Variants in CDS2 observed in about 807,000 individuals in gnomAD.
The protein encoded by CDS2 is phosphatidate cytidylyltransferase 2.
In CDS2, 47 loss-of-function variants were observed where a neutral mutation model predicts 59.0. The observed-to-expected ratio is 0.80, with a 90% CI of 0.63 to 1.02. CDS2 has a LOEUF of 1.02. CDS2 is among the 50% of genes least tolerant of loss of function. The probability of loss-of-function intolerance (pLI) is 0.00; values close to 1 mark genes in which losing one functional copy is unlikely to be tolerated. For synonymous variants in CDS2, 207 were observed against 206.4 expected (o/e 1.00, Z -0.02); for missense variants, 356 against 558.9 (o/e 0.64, Z 3.66).
chr20:5,176,664 TTAAG>T lies in CDS2; in HGVS notation c.310_313del (p.Lys104ValfsTer5), dbSNP rs2090997473. ...GTCCCGCAGGTGATGTGCGTTCAGA[TTAAG>T]TGTTTCCATGAGATAATCACTATTG... On this transcript the variant is annotated frameshift_variant, in exon 4 of 13. Transcript: ENST00000460006. LOFTEE classifies it high-confidence loss of function. The T allele has an allele frequency of 3.1e-6, 5 of 1,613,678 alleles. No individual in the cohort carries two copies. Among genetic ancestry groups the T allele is most frequent in the Non-Finnish European group, 3.4e-6 (4 of 1,179,544 alleles).
At chr20:5,146,373 GAA>G (rs1229381935) in intron 1 of CDS2, among the ~76,000 whole-genome samples, 3 of 152,186 alleles carry the variant, frequency 2.0e-5, no homozygotes, top group Non-Finnish European at 4.4e-5. Context: ...GGAAACCGAT[GAA>G]AGAGTCAGGA....
intron 1 of CDS2, among the ~76,000 whole-genome samples, chr20:5,142,974 C>G (rs1257242165): frequency 6.6e-6 from 1 of 152,080 alleles, no homozygotes; most frequent in Admixed American, 6.6e-5. Context: ...TCCCTAATAG[C>G]TGGAAATACA....
chr20:5,138,753 T>G (rs998627948), intron 1 of CDS2, among the ~76,000 whole-genome samples: 1 of 151,834 alleles, frequency 6.6e-6, no homozygotes, highest in Admixed American at 6.6e-5. Context: ...CCCAAAATGC[T>G]GGGATTACCT....
chr20:5,146,006 A>G (rs764970655), intron 1 of CDS2, among the ~76,000 whole-genome samples: 15 of 151,832 alleles, frequency 9.9e-5, no homozygotes, highest in Non-Finnish European at 2.2e-4. Context: ...AAATTTTTGT[A>G]GAGATGGGGT....
intron 1 of CDS2, among the ~76,000 whole-genome samples, chr20:5,143,342 A>G (rs909069265): frequency 1.3e-5 from 2 of 152,224 alleles, no homozygotes; most frequent in African/African-American, 2.4e-5. Context: ...TTGAGGGAGT[A>G]TAGATTGGCA....
At chr20:5,132,611 T>C (rs2090616540) in intron 1 of CDS2, among the ~76,000 whole-genome samples, 1 of 152,008 alleles carries the variant, frequency 6.6e-6, no homozygotes, top group Admixed American at 6.6e-5. Flanking sequence ...TTCAAGAAAA[T>C]TTTTTTATGT....
At chr20:5,141,188 C>T (rs1409237431) in intron 1 of CDS2, among the ~76,000 whole-genome samples, 1 of 152,194 alleles carries the variant, frequency 6.6e-6, no homozygotes, top group Non-Finnish European at 1.5e-5. Context: ...CTATAAGACC[C>T]TCATTTCAAA....
chr20:5,183,017 C>A (rs749167037), intron 6 of CDS2, 44 bp from the exon 7 acceptor site: 3 of 1,516,066 alleles, frequency 2.0e-6, no homozygotes, highest in East Asian at 4.5e-5. Flanking sequence ...AAGTTACTTT[C>A]AAGGTAAACT....
intron 5 of CDS2, among the ~76,000 whole-genome samples, chr20:5,180,729 C>T (rs759733403): frequency 6.6e-6 from 1 of 152,012 alleles, no homozygotes; most frequent in African/African-American, 2.4e-5. Flanking sequence ...TTTTACCCAG[C>T]TCCTATTCAG....
chr20:5,183,287 C>T (rs1349744872), intron 7 of CDS2, 144 bp downstream of exon 7: 1 of 652,588 alleles, frequency 1.5e-6, no homozygotes, highest in Admixed American at 2.8e-5. Context: ...CTGGACCCCA[C>T]CCCTGACTTT....
At chr20:5,154,651 GT>G (rs935763177) in intron 1 of CDS2, among the ~76,000 whole-genome samples, 33 of 151,562 alleles carry the variant, frequency 2.2e-4, no homozygotes, top group African/African-American at 7.5e-4. Context: ...TTGTTTGTTT[GT>G]TTGTTTGTTT....
chr20:5,151,602 A>T (rs113371912), intron 1 of CDS2, among the ~76,000 whole-genome samples: 25 of 152,014 alleles, frequency 1.6e-4, no homozygotes, highest in African/African-American at 2.4e-4. Flanking sequence ...TCTTAAAAAA[A>T]AAATAAATAA....
chr20:5,190,241 C>CCCAGGG lies in CDS2; in HGVS notation c.*13_*18dup, dbSNP rs757385853. On this transcript the variant is annotated 3_prime_UTR_variant, in exon 13 of 13. Transcript: ENST00000460006. ...CACCACAGAGGACGAGTAGGGGCCACCCAGGGCCAGGAGAACAGGAACAGA... is the reference window on the plus strand; with the variant it reads ...CACCACAGAGGACGAGTAGGGGCCACCCAGGGCCAGGGCCAGGAGAACAGGAACAGA... 2 of 1,612,456 alleles carry CCCAGGG rather than the reference C, an allele frequency of 1.2e-6. No homozygotes were observed. Among genetic ancestry groups the CCCAGGG allele is most frequent in the Non-Finnish European group, 1.7e-6 (2 of 1,179,204 alleles).
intron 1 of CDS2, among the ~76,000 whole-genome samples, chr20:5,161,361 C>G (rs1318938619): frequency 2.0e-5 from 3 of 152,218 alleles, no homozygotes; most frequent in Admixed American, 2.0e-4. Flanking sequence ...ATAAGCCACA[C>G]ACAGCTGTGG....
chr20:5,178,814 C>T lies in CDS2; in HGVS notation c.390-3C>T. The stretch of plus-strand genomic sequence containing the variant: ...CACGGCAATGACCTGTCTTCATTTA[C>T]AGGTACTTTCTCCTGTGTGTAAACT... On this transcript the variant is annotated splice_region_variant and splice_polypyrimidine_tract_variant and intron_variant, in intron 4 of 12. Transcript: ENST00000460006. 1 of 1,614,114 alleles carries T rather than the reference C, an allele frequency of 6.2e-7. No homozygotes were observed. Among genetic ancestry groups the T allele is most frequent in the Non-Finnish European group, 8.5e-7 (1 of 1,179,974 alleles).
intron 1 of CDS2, among the ~76,000 whole-genome samples, chr20:5,139,202 T>C (rs1388457349): frequency 6.6e-6 from 1 of 152,014 alleles, no homozygotes. Flanking sequence ...ATTAGCCCGG[T>C]GTGGGAGCCT....
intron 1 of CDS2, among the ~76,000 whole-genome samples, chr20:5,132,387 C>T (rs543278891): frequency 3.9e-5 from 6 of 152,308 alleles, no homozygotes; most frequent in African/African-American, 1.2e-4. Context: ...CGTGAGCCAC[C>T]GCGCCCGGCC....
intron 1 of CDS2, among the ~76,000 whole-genome samples, chr20:5,166,897 T>G (rs1235297639): frequency 2.6e-5 from 4 of 152,206 alleles, no homozygotes; most frequent in Non-Finnish European, 5.9e-5. Flanking sequence ...TCCCAGAGGT[T>G]TACCCATGAA....
At chr20:5,166,052 A>C (rs1600496500) in intron 1 of CDS2, among the ~76,000 whole-genome samples, 1 of 152,152 alleles carries the variant, frequency 6.6e-6, no homozygotes, top group Non-Finnish European at 1.5e-5. Context: ...GGAGAGTGAC[A>C]CAATCAGAAT....
Sources: gnomAD v4.1 joint callset for allele counts (sites outside exome capture counted in the v4.1 genomes callset) on GRCh38, gnomAD v4.1.1 for gene constraint, MANE v1.5 for transcripts, NCBI Gene and HGNC (gene_info 2026-07-23, HGNC 2026-07-21) for gene names.